Variants in GARIN1B observed in about 807,000 individuals in gnomAD.
GARIN1B encodes golgi associated RAB2 interactor 1B.
At chr7:128,718,724 A>G in the GARIN1B span, 1 of 1,394,218 alleles carries the variant, frequency 7.2e-7, no homozygotes, top group Non-Finnish European at 9.7e-7. Context: ...CCTCTTTTCT[A>G]CCTCCAAAAG....
the GARIN1B span, among the ~76,000 whole-genome samples, chr7:128,722,267 G>A: frequency 2.0e-5 from 3 of 152,128 alleles, no homozygotes; most frequent in Non-Finnish European, 4.4e-5. Context: ...TGTAAGTCTG[G>A]CTTCAGCTAC....
At chr7:128,730,152 G>A in the GARIN1B span, 2 of 1,457,846 alleles carry the variant, frequency 1.4e-6, no homozygotes, top group Non-Finnish European at 1.9e-6. Context: ...CTGGGGTCCT[G>A]AGGGTGATTC....
At chr7:128,727,011 T>G in the GARIN1B span, 3 of 721,382 alleles carry the variant, frequency 4.2e-6, no homozygotes, top group Admixed American at 8.4e-5. Context: ...TTTGAATTCC[T>G]TTAGGCTCTC....
the GARIN1B span, among the ~76,000 whole-genome samples, chr7:128,717,165 A>T: frequency 6.6e-6 from 1 of 152,160 alleles, no homozygotes; most frequent in Non-Finnish European, 1.5e-5. Flanking sequence ...GGAAGGACAG[A>T]GGCCAAGTGG....
chr7:128,724,750 G>A, the GARIN1B span: 1 of 1,289,608 alleles, frequency 7.8e-7, no homozygotes. Flanking sequence ...TGTCAGAGAG[G>A]AGAATTTTGT....
At chr7:128,715,722 T>C in the GARIN1B span, 3 of 1,557,564 alleles carry the variant, frequency 1.9e-6, no homozygotes, top group African/African-American at 1.4e-5. Context: ...TAGCACTCTT[T>C]GATTCTTCGA....
the GARIN1B span, chr7:128,726,775 G>C: frequency 6.3e-7 from 1 of 1,598,986 alleles, no homozygotes. Flanking sequence ...CAAATTTAAT[G>C]TTCTTTTCCT....
the GARIN1B span, among the ~76,000 whole-genome samples, chr7:128,727,334 T>C: frequency 6.6e-6 from 1 of 152,186 alleles, no homozygotes. Context: ...CCAGGCAACA[T>C]TCAAAGCTTG....
At chr7:128,716,930 A>G in the GARIN1B span, 2 of 1,614,030 alleles carry the variant, frequency 1.2e-6, no homozygotes, top group Non-Finnish European at 1.7e-6. Flanking sequence ...GGCCAGTGTC[A>G]AATGGCACCA....
the GARIN1B span, among the ~76,000 whole-genome samples, chr7:128,715,993 A>G: frequency 6.6e-6 from 1 of 152,192 alleles, no homozygotes; most frequent in African/African-American, 2.4e-5. Flanking sequence ...AAGTAGATGA[A>G]CAAAGAGGCA....
chr7:128,718,230 C>T, the GARIN1B span, among the ~76,000 whole-genome samples: 1,386 of 151,992 alleles, frequency 9.1e-3, 23 homozygotes, highest in African/African-American at 0.032. Context: ...GTCAGGAGTT[C>T]GAGACCAGCC....
At chr7:128,711,402 A>G in the GARIN1B span, among the ~76,000 whole-genome samples, 14 of 152,220 alleles carry the variant, frequency 9.2e-5, no homozygotes, top group African/African-American at 2.4e-4. Context: ...GCTCTCACTA[A>G]TAAGTGTCCT....
the GARIN1B span, chr7:128,715,147 T>G: frequency 1.7e-6 from 1 of 587,996 alleles, no homozygotes; most frequent in Non-Finnish European, 2.1e-6. Flanking sequence ...CCTCCTTGCT[T>G]GCTTTCTGCC....
At chr7:128,726,126 A>T in the GARIN1B span, among the ~76,000 whole-genome samples, 1 of 152,252 alleles carries the variant, frequency 6.6e-6, no homozygotes, top group Non-Finnish European at 1.5e-5. Flanking sequence ...CTGGGAAGCC[A>T]TGCGAAGATA....
the GARIN1B span, chr7:128,715,174 C>A: frequency 2.3e-6 from 2 of 882,838 alleles, no homozygotes; most frequent in Non-Finnish European, 2.7e-6. Flanking sequence ...ACTGCTTTCT[C>A]AGCAAGTTCC....
the GARIN1B span, chr7:128,729,917 G>A: frequency 1.1e-4 from 173 of 1,613,706 alleles, 1 homozygote; most frequent in South Asian, 8.0e-4. Flanking sequence ...GATTCTTCCC[G>A]TGAAGACAGC....
At chr7:128,718,526 T>G in the GARIN1B span, among the ~76,000 whole-genome samples, 2 of 151,894 alleles carry the variant, frequency 1.3e-5, no homozygotes, top group Non-Finnish European at 2.9e-5. Flanking sequence ...GCTGTCTCTC[T>G]CAAATAGGGT....
chr7:128,724,243 T>C, the GARIN1B span, among the ~76,000 whole-genome samples: 2 of 152,164 alleles, frequency 1.3e-5, no homozygotes, highest in Non-Finnish European at 2.9e-5. Flanking sequence ...ATTCCTGACC[T>C]AAAGTGATCC....
chr7:128,719,199 C>A, the GARIN1B span: 1 of 985,102 alleles, frequency 1.0e-6, no homozygotes, highest in Non-Finnish European at 1.5e-6. Context: ...CTTTTCTAAA[C>A]AGCTTTATTG....
Sources: allele counts gnomAD v4.1 joint callset (sites outside exome capture counted in the v4.1 genomes callset), GRCh38; gene constraint gnomAD v4.1.1; transcripts MANE v1.5; gene names NCBI Gene and HGNC (gene_info 2026-07-23, HGNC 2026-07-21).